Variants in PRDM16 observed in about 807,000 individuals in gnomAD.
PRDM16 encodes the protein histone-lysine N-methyltransferase PRDM16.
PRDM16 carries 23 observed loss-of-function variants against 110.6 expected under a neutral mutation model. That is an observed-to-expected ratio of 0.21 (90% CI 0.15 to 0.29). The LOEUF (loss-of-function observed/expected upper bound fraction) is 0.29, where lower values mean the gene tolerates loss of function less well. Ranked by LOEUF, PRDM16 falls within the 10% of genes least tolerant of loss-of-function variation. PRDM16 has a pLI of 1.00. For synonymous variants in PRDM16, 799 were observed against 781.8 expected, an observed-to-expected ratio of 1.02 and a Z score of -0.37; for missense variants, 1,615 against 1,794.3, an observed-to-expected ratio of 0.90 and a Z score of 1.81.
intron 1 of PRDM16, among the ~76,000 whole-genome samples, chr1:3,111,750 T>C (rs1642800372): frequency 6.6e-6 from 1 of 152,150 alleles, no homozygotes; most frequent in Non-Finnish European, 1.5e-5. Context: ...TAATCTTTTT[T>C]TCTTCGCGGC....
chr1:3,228,119 G>A (rs975965088), intron 2 of PRDM16, among the ~76,000 whole-genome samples: 4 of 152,244 alleles, frequency 2.6e-5, no homozygotes, highest in Non-Finnish European at 4.4e-5. Flanking sequence ...AGTGTGCGGG[G>A]GTCCTCCCTC....
rs1328576267 is a variant in PRDM16 at position 3,175,928 on chromosome 1, C to G, written c.38-10197C>G. Among the ~76,000 whole-genome samples the G allele has an allele frequency of 1.3e-5, 2 of 152,122 alleles. No homozygotes were observed. Among genetic ancestry groups the G allele is most frequent in the Non-Finnish European group, 2.9e-5 (2 of 68,016 alleles). On this transcript the variant is annotated intron_variant, in intron 1 of 16. Coordinates refer to ENST00000270722, the MANE Select transcript of PRDM16 (RefSeq NM_022114.4). This position sits in a 1 kb window ranked among gnomAD's most constrained non-coding sequence, Gnocchi z 4.8. ...TTCTACCTCTTCTGTTGGAAACTGC[C>G]CTGGAGGTTGCCCTTACCCCATCCA...
chr1:3,351,735 C>T (rs1036606959), intron 3 of PRDM16, among the ~76,000 whole-genome samples: 1 of 101,556 alleles, frequency 9.8e-6, no homozygotes. Flanking sequence ...CTCTGTCTCT[C>T]CTCTCCCTCT....
intron 3 of PRDM16, among the ~76,000 whole-genome samples, chr1:3,340,798 G>A (rs902681699): frequency 8.5e-5 from 13 of 152,212 alleles, no homozygotes; most frequent in Non-Finnish European, 7.3e-5. Context: ...AGCCAAAATG[G>A]TGTCAGGGTG....
At chr1:3,319,433 A>G (rs917901079) in intron 3 of PRDM16, among the ~76,000 whole-genome samples, 1 of 152,204 alleles carries the variant, frequency 6.6e-6, no homozygotes, top group Non-Finnish European at 1.5e-5. Context: ...GCAGGGGGGC[A>G]GATATGCAGG....
intron 2 of PRDM16, among the ~76,000 whole-genome samples, chr1:3,188,636 G>A (rs905758782): frequency 3.4e-4 from 51 of 152,210 alleles, no homozygotes; most frequent in African/African-American, 1.0e-3. Context: ...GGTGCTCCCC[G>A]CGCACCCGGC....
chr1:3,361,749 G>A (rs80096414), intron 3 of PRDM16, among the ~76,000 whole-genome samples: 1 of 152,118 alleles, frequency 6.6e-6, no homozygotes, highest in East Asian at 1.9e-4. Context: ...GCGAGGGCAG[G>A]TGGTGAGAAG....
chr1:3,311,074 CA>C (rs1641447105), intron 3 of PRDM16, among the ~76,000 whole-genome samples: 1 of 152,182 alleles, frequency 6.6e-6, no homozygotes, highest in Non-Finnish European at 1.5e-5. Context: ...AACCCGGCCC[CA>C]GGACTTCCCA....
Position 3,410,209 on chromosome 1 carries a change from A to G in PRDM16, c.1187-1175A>G, listed in dbSNP as rs80136453. Among the ~76,000 whole-genome samples, 1,351 of 152,110 alleles carry G rather than the reference A, an allele frequency of 8.9e-3. 19 individuals carry two copies. Among genetic ancestry groups the G allele is most frequent in the African/African-American group, 0.031 (1,281 of 41,482 alleles). On this transcript the variant is annotated intron_variant, in intron 8 of 16. Coordinates refer to ENST00000270722, the MANE Select transcript of PRDM16 (RefSeq NM_022114.4). ...TGTGTGTTCCTCCCTTTTTTCTTAGAAAAACAAGAGGCAAAAGACAAGCTG... is the reference window on the plus strand; with the variant it reads ...TGTGTGTTCCTCCCTTTTTTCTTAGGAAAACAAGAGGCAAAAGACAAGCTG...
At position 3,319,723 on chromosome 1, in the gene PRDM16, G is replaced by C. The variant is rs116069381; in HGVS notation, c.439-65429G>C. ...TCCCCAGAAGGCTCAGCCCAGGTCT[G>C]CTGGCCTCCAATCTGGGGCTCTTTC... On this transcript the variant is annotated intron_variant, in intron 3 of 16. Coordinates refer to ENST00000270722, the MANE Select transcript of PRDM16 (RefSeq NM_022114.4). 5.7e-3 allele frequency among the ~76,000 whole-genome samples: 871 copies of C among 152,292 alleles called. 10 individuals are homozygous for C. Among genetic ancestry groups the C allele is most frequent in the African/African-American group, 0.019 (810 of 41,570 alleles).
chr1:3,275,115 G>T (rs1249175781), intron 3 of PRDM16, among the ~76,000 whole-genome samples: 1 of 152,240 alleles, frequency 6.6e-6, no homozygotes, highest in African/African-American at 2.4e-5. Flanking sequence ...GAAATGTGCC[G>T]CCAGGCACTG....
At chr1:3,261,284 C>T (rs933064087) in intron 3 of PRDM16, among the ~76,000 whole-genome samples, 17 of 152,082 alleles carry the variant, frequency 1.1e-4, no homozygotes, top group Admixed American at 2.6e-4. Context: ...TTGTGAGCCG[C>T]GAATTACTTT....
At chr1:3,113,166 C>T (rs758121577) in intron 1 of PRDM16, among the ~76,000 whole-genome samples, 7 of 152,226 alleles carry the variant, frequency 4.6e-5, no homozygotes, top group Admixed American at 6.5e-5. Flanking sequence ...AGGGACTCCA[C>T]GGAGGGGGCT....
At position 3,094,149 on chromosome 1, in the gene PRDM16, C is replaced by T. The variant is rs1354881069; in HGVS notation, c.37+24853C>T. On this transcript the variant is annotated intron_variant, in intron 1 of 16. Coordinates refer to ENST00000270722, the MANE Select transcript of PRDM16 (RefSeq NM_022114.4). Reference sequence around the variant, plus strand: ...TGTGCAGGGCAAGAGGCGGGCGGGGCACGCAGGGCAGAGCTGGGGAGGAAA... The same window carrying T: ...TGTGCAGGGCAAGAGGCGGGCGGGGTACGCAGGGCAGAGCTGGGGAGGAAA... Among the ~76,000 whole-genome samples the T allele has an allele frequency of 6.6e-5, 10 of 152,168 alleles. No homozygotes were observed. The East Asian group carries it at 1.9e-3, about 29-fold the overall frequency.
At chr1:3,253,207 AATT>A (rs566477762) in intron 3 of PRDM16, among the ~76,000 whole-genome samples, 9 of 151,678 alleles carry the variant, frequency 5.9e-5, no homozygotes, top group South Asian at 2.1e-4. Context: ...AATTTAATTT[AATT>A]ATTATTATTA....
intron 3 of PRDM16, among the ~76,000 whole-genome samples, chr1:3,317,225 A>C (rs61376028): frequency 6.6e-6 from 1 of 152,164 alleles, no homozygotes. Context: ...GGATGTTTGC[A>C]TCTTTGCTGT....
At position 3,157,997 on chromosome 1, in the gene PRDM16, C is replaced by T. The variant is rs534376453; in HGVS notation, c.38-28128C>T. 6.6e-6 allele frequency among the ~76,000 whole-genome samples: 1 copy of T among 152,274 alleles called. No homozygotes were observed. The highest frequency in any genetic ancestry group is 2.4e-5 in the African/African-American group (1 of 41,564). On this transcript the variant is annotated intron_variant, in intron 1 of 16. Coordinates refer to ENST00000270722, the MANE Select transcript of PRDM16 (RefSeq NM_022114.4). This position sits in a 1 kb window ranked among gnomAD's most constrained non-coding sequence, Gnocchi z 4.8. ...CTGCTCATTGCAGAAAATACAGAAA[C>T]AGATTTTGAAATGGAAAACCTTGCC...
At chr1:3,219,792 C>A (rs567862425) in intron 2 of PRDM16, among the ~76,000 whole-genome samples, 11 of 152,166 alleles carry the variant, frequency 7.2e-5, no homozygotes, top group Non-Finnish European at 1.5e-4. Flanking sequence ...TCACCGACTT[C>A]GGGAGAAACC....
intron 5 of PRDM16, among the ~76,000 whole-genome samples, chr1:3,398,889 G>A (rs1193649734): frequency 3.3e-5 from 5 of 152,200 alleles, no homozygotes; most frequent in Non-Finnish European, 7.3e-5. Flanking sequence ...TGGAGACCAC[G>A]TTCAGGTAGT....
Sources: allele counts gnomAD v4.1 joint callset (sites outside exome capture counted in the v4.1 genomes callset), GRCh38; gene constraint gnomAD v4.1.1; non-coding constraint Gnocchi (gnomAD v3.1); transcripts MANE v1.5; gene names NCBI Gene and HGNC (gene_info 2026-07-23, HGNC 2026-07-21).